The following TBX1 variants were observed in gnomAD, a reference collection of about 807,000 sequenced individuals.
TBX1 encodes the protein T-box transcription factor TBX1.
A neutral mutation model predicts 40.8 loss-of-function variants in TBX1; 16 were observed. The observed-to-expected ratio is 0.39, with a 90% CI of 0.27 to 0.60. The LOEUF is 0.60. TBX1 is among the 20% of genes least tolerant of loss of function. TBX1 has a pLI of 0.51. For synonymous variants in TBX1, 403 were observed against 336.8 expected, an observed-to-expected ratio of 1.20 and a Z score of -2.15; for missense variants, 755 against 728.5, an observed-to-expected ratio of 1.04 and a Z score of -0.42.
Position 19,766,677 on chromosome 22 carries a change from C to A in TBX1, c.1325C>A (p.Pro442Gln). Residue 442 changes from proline (P) to glutamine (Q), a missense_variant, in exon 7 of 7, where the codon CCG (proline) becomes CAG (glutamine). Physicochemically the swap from Pro to Gln is moderately conservative, Grantham distance 76. Around this residue, in one of 3 missense-constraint regions of TBX1, gnomAD observed 412 missense variants for 317.6 expected, o/e 1.30. Coordinates refer to ENST00000649276, the MANE Select transcript of TBX1 (RefSeq NM_001379200.1). ...YDHYLGAKSR[P>Q]APYPLPGLRG... ...CACTATCTCGGGGCCAAGAGCCGGC[C>A]GGCGCCCTACCCGCTGCCCGGCCTG... 11 of 1,549,910 alleles carry A rather than the reference C, an allele frequency of 7.1e-6. No homozygotes were observed. The highest frequency in any genetic ancestry group is 1.2e-5 in the South Asian group (1 of 86,424).
downstream of TBX1, chr22:19,782,803 T>C: frequency 6.3e-7 from 1 of 1,597,338 alleles, no homozygotes; most frequent in Non-Finnish European, 8.5e-7. Context: ...GTTCACTCTT[T>C]CTTGCTACAC....
At chr22:19,770,911 G>A (rs1936979634), downstream of TBX1, among the ~76,000 whole-genome samples, 1 of 152,174 alleles carries the variant, frequency 6.6e-6, no homozygotes, top group Admixed American at 6.5e-5. Context: ...CTGGGCACCA[G>A]GGGAGAGCAT....
chr22:19,783,479 G>A (rs756991054), downstream of TBX1: 30 of 264,468 alleles, frequency 1.1e-4, no homozygotes, highest in Non-Finnish European at 1.7e-4. Flanking sequence ...GAGCCTATTA[G>A]TTGGAGGCTG....
downstream of TBX1, among the ~76,000 whole-genome samples, chr22:19,768,132 T>TTGGACACAA (rs1378704597): frequency 7.9e-5 from 12 of 152,184 alleles, no homozygotes; most frequent in Non-Finnish European, 1.6e-4. Context: ...GCGCCAAGGC[T>TTGGACACAA]GCTGACTTGG....
chr22:19,761,367 C>G (rs2145828892), intron 1 of TBX1, 87 bp downstream of exon 1: 4 of 1,354,520 alleles, frequency 3.0e-6, no homozygotes, highest in Non-Finnish European at 3.8e-6. Context: ...CGAGCGGGGC[C>G]GAAAGCCGGG....
chr22:19,780,413 C>T (rs914692159), downstream of TBX1, among the ~76,000 whole-genome samples: 19 of 152,176 alleles, frequency 1.2e-4, no homozygotes, highest in Non-Finnish European at 2.6e-4. Context: ...GTAAGGACCT[C>T]AAGGTTCATC....
At chr22:19,768,340 G>A (rs1294168642), downstream of TBX1, among the ~76,000 whole-genome samples, 1 of 152,156 alleles carries the variant, frequency 6.6e-6, no homozygotes, top group Non-Finnish European at 1.5e-5. Flanking sequence ...CCTGTTTTTC[G>A]TATACATGTT....
intron 8 of TBX1, among the ~76,000 whole-genome samples, chr22:19,778,301 AT>A (rs1937097476): frequency 6.6e-6 from 1 of 151,362 alleles, no homozygotes; most frequent in Non-Finnish European, 1.5e-5. Context: ...GGGTCTCACT[AT>A]GTTGCCCAGG....
At position 19,764,953 on chromosome 22, in the gene TBX1, T is replaced by A. The variant is rs781259498; in HGVS notation, c.712-5T>A. On this transcript the variant is annotated splice_polypyrimidine_tract_variant and splice_region_variant and intron_variant, in intron 3 of 6. Coordinates refer to ENST00000649276, the MANE Select transcript of TBX1 (RefSeq NM_001379200.1). ...CTGGAGCTGATTCCCCACCTTGTCT[T>A]CCAGATTATTCTGAATTCCATGCAC... The A allele has an allele frequency of 6.2e-7, 1 of 1,613,908 alleles. No homozygotes were observed. Among genetic ancestry groups the A allele is most frequent in the Non-Finnish European group, 8.5e-7 (1 of 1,179,956 alleles).
downstream of TBX1, among the ~76,000 whole-genome samples, chr22:19,768,953 C>CTTTTTTTTTTTTTTTTTTTTTTTTTTT (rs36085623): frequency 1.5e-4 from 10 of 66,126 alleles, 1 homozygote; most frequent in Admixed American, 2.1e-4. Flanking sequence ...TGTTCGCATT[C>CTTTTTTTTTTTTTTTTTTTTTTTTTTT]TTTTTTTTTT....
At chr22:19,765,477 C>T (rs1186291855) in intron 4 of TBX1, among the ~76,000 whole-genome samples, 1 of 152,172 alleles carries the variant, frequency 6.6e-6, no homozygotes, top group Non-Finnish European at 1.5e-5. Context: ...GGGGTGGTGA[C>T]CACATTCCTG....
At chr22:19,772,321 T>G (rs41300464), downstream of TBX1, among the ~76,000 whole-genome samples, 1,094 of 152,256 alleles carry the variant, frequency 7.2e-3, 9 homozygotes, top group African/African-American at 0.025. Context: ...TTTTTTTCTT[T>G]TTGAGACAGG....
At chr22:19,782,902 C>T (rs563241140), downstream of TBX1, 27 of 1,614,144 alleles carry the variant, frequency 1.7e-5, no homozygotes, top group East Asian at 4.5e-4. Flanking sequence ...TTCCCCTCTC[C>T]TGGACTCCAG....
At chr22:19,776,877 C>T (rs1055984729) in intron 8 of TBX1, among the ~76,000 whole-genome samples, 9 of 151,928 alleles carry the variant, frequency 5.9e-5, no homozygotes, top group African/African-American at 1.7e-4. Flanking sequence ...TGCCGTGCCG[C>T]GTGGCTCTGT....
downstream of TBX1, among the ~76,000 whole-genome samples, chr22:19,769,174 T>C (rs916717693): frequency 6.6e-6 from 1 of 152,132 alleles, no homozygotes; most frequent in African/African-American, 2.4e-5. Context: ...TTGGCCAGGC[T>C]GGTCTCGAAC....
At chr22:19,766,100 C>T (rs1471750525) in intron 6 of TBX1, 98 bp downstream of exon 6, 1 of 1,067,082 alleles carries the variant, frequency 9.4e-7, no homozygotes, top group Non-Finnish European at 1.2e-6. Flanking sequence ...CGGGGCGCTC[C>T]AGGCTTTCGC....
At chr22:19,764,118 A>G (rs763532188) in intron 2 of TBX1, 37 bp from the exon 3 acceptor site, 1 of 1,610,792 alleles carries the variant, frequency 6.2e-7, no homozygotes, top group South Asian at 1.1e-5. Context: ...CTCTGGGTTC[A>G]CCTCCACATG....
chr22:19,760,793 C>A lies in TBX1; in HGVS notation c.-51C>A. 4.0e-6 allele frequency: 2 copies of A among 501,172 alleles called. No homozygotes were observed. The highest frequency in any genetic ancestry group is 4.7e-6 in the Non-Finnish European group (2 of 423,320). 31.0% of individuals were successfully genotyped at this position (501,172 alleles called of 1,614,324 possible). On this transcript the variant is annotated 5_prime_UTR_variant, in exon 1 of 7. Coordinates refer to ENST00000649276, the MANE Select transcript of TBX1 (RefSeq NM_001379200.1). The stretch of plus-strand genomic sequence containing the variant: ...GGCGCCCGCCACTCGGCCCGCGGCG[C>A]GGGGCAGCGCTCAGCTTGGTGGCGG...
chr22:19,762,061 C>A (rs892017465), intron 1 of TBX1, among the ~76,000 whole-genome samples: 1 of 152,240 alleles, frequency 6.6e-6, no homozygotes, highest in African/African-American at 2.4e-5. Context: ...AAAGCCTTCT[C>A]GTGGTTTCTG....
Sources: allele counts gnomAD v4.1 joint callset (sites outside exome capture counted in the v4.1 genomes callset), GRCh38; gene constraint gnomAD v4.1.1; regional missense constraint gnomAD v4.1.1; transcripts MANE v1.5; gene names NCBI Gene and HGNC (gene_info 2026-07-23, HGNC 2026-07-21).